DHX29: variants seen among roughly 807,000 people sequenced by gnomAD.
DHX29 encodes DExH-box helicase 29, also known as ATP-dependent RNA helicase DHX29.
DHX29 carries 79 observed loss-of-function variants against 167.9 expected under a neutral mutation model. That is an observed-to-expected ratio of 0.47 (90% CI 0.39 to 0.57). The LOEUF (loss-of-function observed/expected upper bound fraction) is 0.57. DHX29 is among the 20% of genes least tolerant of loss of function. DHX29 has a pLI of 0.00. For missense variants in DHX29, 1,347 were observed against 1,593.4 expected, an observed-to-expected ratio of 0.85 and a Z score of 2.63; for synonymous variants, 530 against 546.0, an observed-to-expected ratio of 0.97 and a Z score of 0.41.
chr5:55,289,429 C>T lies in DHX29; in HGVS notation c.908-1G>A. 3 of 1,521,218 alleles carry T rather than the reference C, an allele frequency of 2.0e-6. No individual in the cohort carries two copies. The highest frequency in any genetic ancestry group is 2.6e-6 in the Non-Finnish European group (3 of 1,147,026). The allele number at this position is 1,521,218 out of a possible 1,614,324, so 94.2% of individuals were successfully genotyped here. A position where few individuals can be genotyped will look rare whatever the true frequency, so the allele number is the denominator to read the frequency against. On this transcript the variant is annotated splice_acceptor_variant, in intron 7 of 26. Coordinates refer to ENST00000251636, the MANE Select transcript of DHX29 (RefSeq NM_019030.4). LOFTEE classifies it high-confidence loss of function. ...GGATGGTCTTCTAAAGTTTCCATTT[C>T]TACCAAGAAAAAAATATAATGTTTA... is the stretch of plus-strand genomic sequence containing the variant.
intron 1 of DHX29, among the ~76,000 whole-genome samples, chr5:55,300,633 A>C (rs1242048509): frequency 6.6e-6 from 1 of 152,216 alleles, no homozygotes; most frequent in Non-Finnish European, 1.5e-5. Context: ...AGACTGCACC[A>C]CTGCACTCTG....
chr5:55,281,637 A>C, intron 11 of DHX29, 122 bp from the exon 12 acceptor site: 2 of 512,790 alleles, frequency 3.9e-6, no homozygotes, highest in Non-Finnish European at 6.4e-6. Context: ...AATCTAGTAC[A>C]ATTTATTATA....
chr5:55,285,634 C>T, intron 9 of DHX29, 62 bp downstream of exon 9: 1 of 1,482,008 alleles, frequency 6.7e-7, no homozygotes, highest in Non-Finnish European at 9.0e-7. Context: ...AAAAAGATTT[C>T]CACCTTAAAT....
chr5:55,302,364 C>A (rs906943056), intron 1 of DHX29, among the ~76,000 whole-genome samples: 3 of 152,068 alleles, frequency 2.0e-5, no homozygotes, highest in Non-Finnish European at 4.4e-5. Context: ...CATGGAGAAA[C>A]AGTTCAAAGT....
Position 55,307,428 on chromosome 5 carries a change from G to A in DHX29, c.146C>T (p.Ala49Val), listed in dbSNP as rs1748934777. 1 of 1,612,856 alleles carries A rather than the reference G, an allele frequency of 6.2e-7. No individual in the cohort carries two copies. ...CTCCCTGGAGCCGGCAGCGGCAGCGGCAGCGGTGGCCGGCCTGGACACTGG... is the reference window on the plus strand; with the variant it reads ...CTCCCTGGAGCCGGCAGCGGCAGCGACAGCGGTGGCCGGCCTGGACACTGG... ...KKPVSRPATA[A>V]AAAAGSREPR... is the part of the protein sequence containing the mutation. The change falls in exon 1 of 27, where the codon GCC becomes GTC. Residue 49 changes from alanine to valine, a missense_variant. Transcript: ENST00000251636.
intron 10 of DHX29, among the ~76,000 whole-genome samples, chr5:55,284,774 T>A (rs1747626331): frequency 6.6e-6 from 1 of 152,204 alleles, no homozygotes; most frequent in African/African-American, 2.4e-5. Flanking sequence ...GTCTACATAA[T>A]TTTTTTAAGT....
intron 12 of DHX29, among the ~76,000 whole-genome samples, chr5:55,278,205 C>A (rs1341361691): frequency 3.3e-5 from 5 of 152,300 alleles, no homozygotes; most frequent in Non-Finnish European, 2.9e-5. Flanking sequence ...TTCCAACTTT[C>A]TGTACTGTGA....
At chr5:55,282,032 C>T (rs527814895) in intron 11 of DHX29, among the ~76,000 whole-genome samples, 15 of 152,090 alleles carry the variant, frequency 9.9e-5, no homozygotes, top group South Asian at 8.3e-4. Context: ...GTGATCCCCC[C>T]GCCTCAGCCT....
chr5:55,307,252 T>A, intron 1 of DHX29, 135 bp downstream of exon 1: 1 of 742,936 alleles, frequency 1.3e-6, no homozygotes. Flanking sequence ...GGCCACCCCA[T>A]GGGGAGGTAG....
At position 55,296,200 on chromosome 5, in the gene DHX29, A is replaced by G. The variant is rs1382319521; in HGVS notation, c.505+20T>C. ...CTTCAAAAGGTTTAGAAACTGAAAG[A>G]ATTTAATGATATTGTTTACCATCTG... On this transcript the variant is annotated intron_variant, in intron 4 of 26. Transcript: ENST00000251636. 3.8e-6 allele frequency: 6 copies of G among 1,594,572 alleles called. No homozygotes were observed. Among genetic ancestry groups the G allele is most frequent in the Non-Finnish European group, 5.1e-6 (6 of 1,172,542 alleles).
At chr5:55,269,827 ATG>A (rs1336015271) in intron 20 of DHX29, among the ~76,000 whole-genome samples, 190 bp from the exon 21 acceptor site, 2 of 151,508 alleles carry the variant, frequency 1.3e-5, no homozygotes, top group Non-Finnish European at 2.9e-5. Flanking sequence ...GTATGAGTGT[ATG>A]TGTGTGTTTG....
intron 12 of DHX29, 27 bp downstream of exon 12, chr5:55,281,345 T>G (rs1579784685): frequency 6.8e-7 from 1 of 1,472,118 alleles, no homozygotes. Context: ...TTTCAAATTT[T>G]TGAATACAAC....
chr5:55,300,347 C>T (rs1336937997), intron 1 of DHX29, among the ~76,000 whole-genome samples: 3 of 150,688 alleles, frequency 2.0e-5, no homozygotes, highest in African/African-American at 7.3e-5. Flanking sequence ...TGCACTCCAG[C>T]CTGGGCAACA....
At chr5:55,281,591 G>C in intron 11 of DHX29, 76 bp from the exon 12 acceptor site, 1 of 1,131,510 alleles carries the variant, frequency 8.8e-7, no homozygotes, top group Middle Eastern at 2.1e-4. Flanking sequence ...GTGAAGCAGA[G>C]GTGCTGATCT....
intron 4 of DHX29, 40 bp from the exon 5 acceptor site, chr5:55,295,564 A>G (rs539556398): frequency 3.5e-5 from 55 of 1,591,486 alleles, no homozygotes; most frequent in Middle Eastern, 1.7e-4. Flanking sequence ...AAACAGGCAT[A>G]TGATACATAA....
rs147538229 is a variant in DHX29, at chr5:55,273,505, C to G, written c.2691-128G>C. The G allele has an allele frequency of 4.4e-5, 52 of 1,168,856 alleles. No homozygotes were observed. The African/African-American group carries it at 6.8e-4, about 15-fold the overall frequency. 72.4% of individuals were successfully genotyped at this position (1,168,856 alleles called of 1,614,324 possible). On this transcript the variant is annotated intron_variant, in intron 16 of 26. Transcript: ENST00000251636. ...TACTATGAAAAAATTTAAACATACA[C>G]AAGTGTTTACAGAATTGTACAATGA...
chr5:55,279,684 A>C (rs919954195), intron 12 of DHX29: 1 of 154,192 alleles, frequency 6.5e-6, no homozygotes, highest in Non-Finnish European at 1.4e-5. Context: ...AAGCCATTAA[A>C]CCTAGCTAAT....
At position 55,281,404 on chromosome 5, in the gene DHX29, GA is replaced by G; in HGVS notation, c.2076del (p.Leu693Ter). 6.2e-7 allele frequency: 1 copy of G among 1,601,712 alleles called. No homozygotes were observed. Among genetic ancestry groups the G allele is most frequent in the African/African-American group, 1.3e-5 (1 of 74,482 alleles). ...VLLRKLQEDG[L>X]LSNVSHVIVD... ...ACAATAACATGAGACACATTACTTA[GA>G]AGACCATCTTCTTGAAGTTTCCTTA... On this transcript the variant is annotated frameshift_variant, in exon 12 of 27. Transcript: ENST00000251636. LOFTEE classifies it high-confidence loss of function.
In DHX29 at chr5:55,283,667, G is replaced by C. The variant is rs1474892532; in HGVS notation, c.1501C>G (p.Gln501Glu). 1.9e-6 allele frequency: 3 copies of C among 1,614,080 alleles called. No individual in the cohort carries two copies. The highest frequency in any genetic ancestry group is 2.5e-6 in the Non-Finnish European group (3 of 1,180,020). Reference protein sequence around the residue: ...FIAKLLNKLKQQQQQQQQHSE... With the variant: ...FIAKLLNKLKEQQQQQQQHSE... The stretch of plus-strand genomic sequence containing the variant: ...TGCTGTTGTTGCTGCTGTTGCTGCT[G>C]TTTCAGTTTATTCAGAAGTTTGGCA... Residue 501 changes from glutamine to glutamate, a missense_variant, in exon 11 of 27, where the codon CAG becomes GAG. Physicochemically the swap from Gln to Glu is conservative, Grantham distance 29. Transcript: ENST00000251636.
Sources: gnomAD v4.1 joint callset for allele counts (sites outside exome capture counted in the v4.1 genomes callset) on GRCh38, gnomAD v4.1.1 for gene constraint, MANE v1.5 for transcripts, NCBI Gene and HGNC (gene_info 2026-07-23, HGNC 2026-07-21) for gene names.